The following LIMS2 variants were observed in gnomAD, a reference collection of about 807,000 sequenced individuals.
LIMS2 encodes the protein LIM and senescent cell antigen-like-containing domain protein 2.
Under a neutral mutation model 45.3 loss-of-function variants are expected in LIMS2, and 30 were observed. The observed-to-expected ratio is 0.66, with a 90% CI of 0.50 to 0.90. The LOEUF (loss-of-function observed/expected upper bound fraction) is 0.90. Ranked by LOEUF, LIMS2 falls within the 40% of genes least tolerant of loss-of-function variation. The pLI, the probability that LIMS2 is intolerant of heterozygous loss-of-function variation, is 0.00. For synonymous variants in LIMS2, 173 were observed against 188.0 expected (o/e 0.92, Z 0.65); for missense variants, 485 against 468.7 (o/e 1.03, Z -0.32).
intron 4 of LIMS2, chr2:127,644,097 C>G (rs1037561767): frequency 4.8e-5 from 22 of 456,440 alleles, no homozygotes; most frequent in African/African-American, 3.4e-4. Flanking sequence ...TGGACTCCAT[C>G]CTGCACAGCA....
At chr2:127,656,705 G>A (rs1393396372) in intron 2 of LIMS2, among the ~76,000 whole-genome samples, 6 of 152,128 alleles carry the variant, frequency 3.9e-5, no homozygotes, top group Admixed American at 6.5e-5. Context: ...GTGAGCCGCC[G>A]CGCCCGGCCA....
At position 127,650,152 on chromosome 2, in the gene LIMS2, C is replaced by T. The variant is rs1487239615; in HGVS notation, c.359+4272G>A. ...ATCCTGGGGGCACCCTCCTAAGTGC[C>T]AGGGGCAAGCCATGGTCAGGGGAAG... On this transcript the variant is annotated intron_variant, in intron 4 of 9. Transcript: ENST00000355119. 3.8e-6 allele frequency: 5 copies of T among 1,328,308 alleles called. No individual in the cohort carries two copies. The East Asian group carries it at 1.2e-4, about 33-fold the overall frequency. The allele number at this position is 1,328,308 out of a possible 1,614,324, so 82.3% of individuals were successfully genotyped here. A position where few individuals can be genotyped will look rare whatever the true frequency, so the allele number is the denominator to read the frequency against.
intron 1 of LIMS2, among the ~76,000 whole-genome samples, chr2:127,662,281 A>G (rs545544747): frequency 1.2e-3 from 185 of 152,262 alleles, no homozygotes; most frequent in Non-Finnish European, 1.9e-3. Flanking sequence ...AGCACAGCCC[A>G]TGCTTCTGTC....
rs1683132585 is a variant in LIMS2 at position 127,647,596 on chromosome 2, C to G, written c.360-4524G>C. 6.6e-6 allele frequency among the ~76,000 whole-genome samples: 1 copy of G among 152,044 alleles called. No homozygotes were observed. Among genetic ancestry groups the G allele is most frequent in the African/African-American group, 2.4e-5 (1 of 41,396 alleles). On this transcript the variant is annotated intron_variant, in intron 4 of 9. Transcript: ENST00000355119. The surrounding 1 kb of genome is among the most constrained non-coding windows in gnomAD (Gnocchi z 4.3). ...AGGGACAGCCTGGGGTGGAGGGCAC[C>G]CACCTTGGCCCCTTCCCACCCCCAG...
intron 4 of LIMS2, among the ~76,000 whole-genome samples, chr2:127,645,613 G>A (rs1016540726): frequency 2.6e-5 from 4 of 152,204 alleles, no homozygotes; most frequent in South Asian, 2.1e-4. Context: ...GCTGTTCCTC[G>A]CTCCAGATAA....
rs140039806 is a variant in LIMS2, at chr2:127,664,447, G to C, written c.12-6885C>G. The stretch of plus-strand genomic sequence containing the variant: ...GGGCCGCCTGGTGCAGGGGCTATGG[G>C]ACCACCTCGGAGGGGAGGCGCGGCC... On this transcript the variant is annotated intron_variant, in intron 1 of 9. Coordinates refer to ENST00000355119, the MANE Select transcript of LIMS2 (RefSeq NM_001161403.3). The surrounding 1 kb of genome is among the most constrained non-coding windows in gnomAD (Gnocchi z 5.5). 2,474 of 1,187,634 alleles carry C rather than the reference G, an allele frequency of 2.1e-3. 41 individuals carry two copies. The African/African-American group carries it at 0.031, about 15-fold the overall frequency. The allele number at this position is 1,187,634 out of a possible 1,614,324, so 73.6% of individuals were successfully genotyped here.
At chr2:127,666,808 A>C (rs1685025654) in intron 1 of LIMS2, among the ~76,000 whole-genome samples, 1 of 152,184 alleles carries the variant, frequency 6.6e-6, no homozygotes, top group African/African-American at 2.4e-5. Flanking sequence ...AGAAATACCA[A>C]GCAAAGGGGG....
At chr2:127,657,873 C>A (rs1296560400) in intron 1 of LIMS2, among the ~76,000 whole-genome samples, 1 of 152,204 alleles carries the variant, frequency 6.6e-6, no homozygotes, top group Non-Finnish European at 1.5e-5. Context: ...ATTTAATCCC[C>A]AGGGCAATAC....
intron 6 of LIMS2, chr2:127,641,832 C>T: frequency 1.9e-6 from 1 of 526,076 alleles, no homozygotes; most frequent in South Asian, 2.7e-5. Flanking sequence ...GGCACAGCTA[C>T]CCAACCGTGT....
At chr2:127,656,695 G>A (rs940900693) in intron 2 of LIMS2, among the ~76,000 whole-genome samples, 1 of 152,116 alleles carries the variant, frequency 6.6e-6, no homozygotes, top group African/African-American at 2.4e-5. Flanking sequence ...GATTACAGGC[G>A]TGAGCCGCCG....
chr2:127,643,597 C>T, intron 4 of LIMS2: 1 of 456,646 alleles, frequency 2.2e-6, no homozygotes, highest in Non-Finnish European at 4.4e-6. Context: ...GGCCCCCAAA[C>T]CCAGGAACTG....
At chr2:127,652,056 T>C in intron 4 of LIMS2, 1 of 392,130 alleles carries the variant, frequency 2.6e-6, no homozygotes. Context: ...TGGAGGCCTT[T>C]CTTTCCCGCT....
chr2:127,643,337 C>G, intron 4 of LIMS2: 1 of 537,566 alleles, frequency 1.9e-6, no homozygotes, highest in Non-Finnish European at 3.4e-6. Context: ...CCTCTTTCTA[C>G]TTTCTCTAAG....
At chr2:127,654,033 G>C (rs544283765) in intron 4 of LIMS2, among the ~76,000 whole-genome samples, 1 of 152,124 alleles carries the variant, frequency 6.6e-6, no homozygotes, top group South Asian at 2.1e-4. Context: ...CGCAGAAGGT[G>C]GGAACTTCTG....
In LIMS2 at chr2:127,644,217, TC is replaced by T; in HGVS notation, c.360-1146del. ...AAGCTGCCGACTGGCTCTCTGTGCCTCCCCAAGACCCTATGTGCCCAGCAGG... is the reference window on the plus strand; with the variant it reads ...AAGCTGCCGACTGGCTCTCTGTGCCTCCCAAGACCCTATGTGCCCAGCAGG... On this transcript the variant is annotated intron_variant, in intron 4 of 9. Coordinates refer to ENST00000355119, the MANE Select transcript of LIMS2 (RefSeq NM_001161403.3). 7.2e-6 allele frequency: 3 copies of T among 415,012 alleles called. No homozygotes were observed. In the Admixed American group the frequency reaches 7.7e-5, roughly 11 times the overall value. 25.7% of individuals were successfully genotyped at this position (415,012 alleles called of 1,614,324 possible). A position where few individuals can be genotyped will look rare whatever the true frequency, so the allele number is the denominator to read the frequency against.
At position 127,639,109 on chromosome 2, in the gene LIMS2, G is replaced by A; in HGVS notation, c.*172C>T. 1 of 700,936 alleles carries A rather than the reference G, an allele frequency of 1.4e-6. No homozygotes were observed. Among genetic ancestry groups the A allele is most frequent in the Non-Finnish European group, 2.3e-6 (1 of 430,546 alleles). 43.4% of individuals were successfully genotyped at this position (700,936 alleles called of 1,614,324 possible). ...AGACAGAAGCCACGGCCAAGGAGAG[G>A]AGAGACATGGGGAAGGCAGAGATGA... On this transcript the variant is annotated 3_prime_UTR_variant, in exon 10 of 10. Coordinates refer to ENST00000355119, the MANE Select transcript of LIMS2 (RefSeq NM_001161403.3).
intron 1 of LIMS2, 103 bp downstream of exon 1, chr2:127,674,911 G>A (rs1294422699): frequency 8.2e-7 from 1 of 1,220,054 alleles, no homozygotes; most frequent in Non-Finnish European, 1.0e-6. Context: ...AGGGCGGAGC[G>A]GGGATCGTGG....
rs1685289938 is a variant in LIMS2 at position 127,671,994 on chromosome 2, A to G, written c.11+3020T>C. Among the ~76,000 whole-genome samples, 1 of 152,204 alleles carries G rather than the reference A, an allele frequency of 6.6e-6. No individual in the cohort carries two copies. The highest frequency in any genetic ancestry group is 1.5e-5 in the Non-Finnish European group (1 of 68,014). ...CGGAGGAGGGGCAAGATTGGTGGAT[A>G]TGAGGGCAGGGATCTAGCAGCCTGC... On this transcript the variant is annotated intron_variant, in intron 1 of 9. Transcript: ENST00000355119. The surrounding 1 kb of genome is among the most constrained non-coding windows in gnomAD (Gnocchi z 4.1).
chr2:127,666,959 A>G (rs555593252), intron 1 of LIMS2, among the ~76,000 whole-genome samples: 11 of 152,348 alleles, frequency 7.2e-5, no homozygotes, highest in South Asian at 2.1e-4. Context: ...ACAATTCAAG[A>G]TGAGATTTAG....
Sources: allele counts gnomAD v4.1 joint callset (sites outside exome capture counted in the v4.1 genomes callset), GRCh38; gene constraint gnomAD v4.1.1; non-coding constraint Gnocchi (gnomAD v3.1); transcripts MANE v1.5; gene names NCBI Gene and HGNC (gene_info 2026-07-23, HGNC 2026-07-21).